Variants in GAB1 observed in about 807,000 individuals in gnomAD.
GAB1 encodes GRB2-associated-binding protein 1.
Under a neutral mutation model 66.5 loss-of-function variants are expected in GAB1, and 19 were observed. The observed-to-expected ratio is 0.29, with a 90% CI of 0.20 to 0.42. The LOEUF (loss-of-function observed/expected upper bound fraction) is 0.42. Ranked by LOEUF, GAB1 falls within the 10% of genes least tolerant of loss-of-function variation. GAB1 has a pLI of 1.00. For synonymous variants in GAB1, 294 were observed against 301.4 expected (o/e 0.98, Z 0.25); for missense variants, 732 against 858.5 (o/e 0.85, Z 1.84).
intron 1 of GAB1, among the ~76,000 whole-genome samples, chr4:143,353,832 C>T (rs1381947021): frequency 6.6e-6 from 1 of 152,176 alleles, no homozygotes; most frequent in Non-Finnish European, 1.5e-5. Flanking sequence ...TACTTTAGAA[C>T]TTTTCACCAC....
At chr4:143,439,381 A>G (rs1181031328) in intron 4 of GAB1, among the ~76,000 whole-genome samples, 1 of 152,204 alleles carries the variant, frequency 6.6e-6, no homozygotes, top group African/African-American at 2.4e-5. Context: ...ATCTGTGATT[A>G]TTACTTAAAT....
At chr4:143,431,728 C>A (rs749779692) in intron 2 of GAB1, among the ~76,000 whole-genome samples, 1 of 152,120 alleles carries the variant, frequency 6.6e-6, no homozygotes, top group Non-Finnish European at 1.5e-5. Context: ...CAAAGCATTG[C>A]CACATGGTTA....
chr4:143,379,929 A>G (rs1167768846), intron 1 of GAB1, among the ~76,000 whole-genome samples: 5 of 151,318 alleles, frequency 3.3e-5, no homozygotes, highest in Non-Finnish European at 4.4e-5. Flanking sequence ...CTTAGAGAGA[A>G]CCAGCAATAT....
chr4:143,436,177 A>G (rs1198986430), intron 3 of GAB1, among the ~76,000 whole-genome samples: 1 of 152,226 alleles, frequency 6.6e-6, no homozygotes. Context: ...AATGTGAACT[A>G]CACCTAGTTG....
In GAB1 at chr4:143,378,314, C is replaced by T. The variant is rs142182077; in HGVS notation, c.73-37163C>T. Among the ~76,000 whole-genome samples, 174 of 152,274 alleles carry T rather than the reference C, an allele frequency of 1.1e-3. 1 individual carries two copies. Among genetic ancestry groups the T allele is most frequent in the African/African-American group, 3.9e-3 (162 of 41,546 alleles). The stretch of plus-strand genomic sequence containing the variant: ...GCATCTTGGACAAGTAAATCATACT[C>T]GCAAGCCTCAGTTTCTTTTAATGTC... On this transcript the variant is annotated intron_variant, in intron 1 of 9. Transcript: ENST00000262994.
At chr4:143,348,870 G>A (rs1030810802) in intron 1 of GAB1, among the ~76,000 whole-genome samples, 4 of 151,920 alleles carry the variant, frequency 2.6e-5, no homozygotes, top group East Asian at 1.9e-4. Context: ...CTCTCTCTCC[G>A]GGCCTTTGCA....
chr4:143,369,694 T>G (rs973080794), intron 1 of GAB1, among the ~76,000 whole-genome samples: 1 of 152,214 alleles, frequency 6.6e-6, no homozygotes, highest in Non-Finnish European at 1.5e-5. Flanking sequence ...GCTTCCTGCT[T>G]CTGAAGGAAT....
intron 1 of GAB1, among the ~76,000 whole-genome samples, chr4:143,407,578 G>A (rs1379481882): frequency 6.6e-6 from 1 of 152,054 alleles, no homozygotes; most frequent in Non-Finnish European, 1.5e-5. Flanking sequence ...GTATTCTTTT[G>A]TTTATATTAC....
At chr4:143,452,945 T>C (rs958836661) in intron 6 of GAB1, among the ~76,000 whole-genome samples, 1 of 152,218 alleles carries the variant, frequency 6.6e-6, no homozygotes, top group Non-Finnish European at 1.5e-5. Context: ...TTATTATCTA[T>C]TTTCACACTT....
rs1397529 is a variant in GAB1, at chr4:143,471,009, A to T, written c.*1820A>T. On this transcript the variant is annotated 3_prime_UTR_variant, in exon 10 of 10. Coordinates refer to ENST00000262994, the MANE Select transcript of GAB1 (RefSeq NM_002039.4). ...TGTGCAAGCTGTTTTATAATGAAAC[A>T]ACAAAATGAAATCTAAAATCCTGAA... 4 of 152,022 alleles carry T rather than the reference A, an allele frequency of 2.6e-5. No individual in the cohort carries two copies. Among genetic ancestry groups the T allele is most frequent in the African/African-American group, 9.7e-5 (4 of 41,354 alleles). 9.4% of individuals were successfully genotyped at this position (152,022 alleles called of 1,614,324 possible). A position where few individuals can be genotyped will look rare whatever the true frequency, so the allele number is the denominator to read the frequency against.
chr4:143,446,211 G>A (rs1469803663), intron 6 of GAB1, among the ~76,000 whole-genome samples: 2 of 151,946 alleles, frequency 1.3e-5, no homozygotes, highest in Non-Finnish European at 2.9e-5. Flanking sequence ...CATTTAGGTT[G>A]GTTCCAAGTC....
In GAB1 at chr4:143,469,299, G is replaced by T. The variant is rs1012697190; in HGVS notation, c.*110G>T. 8 of 1,153,238 alleles carry T rather than the reference G, an allele frequency of 6.9e-6. No individual in the cohort carries two copies. In the East Asian group the frequency reaches 1.8e-4, roughly 26 times the overall value. The allele number at this position is 1,153,238 out of a possible 1,614,324, so 71.4% of individuals were successfully genotyped here. ...CTAGGTAGATCCTCAAATGAGTAGA[G>T]TTGAAGTCAAAGGACCTTTCTGACA... On this transcript the variant is annotated 3_prime_UTR_variant, in exon 10 of 10. Transcript: ENST00000262994.
chr4:143,400,910 A>G (rs1373247088), intron 1 of GAB1, among the ~76,000 whole-genome samples: 2 of 151,492 alleles, frequency 1.3e-5, no homozygotes, highest in Non-Finnish European at 2.9e-5. Context: ...CAGAGGTTGC[A>G]GTGAGCTGAG....
chr4:143,450,324 A>C (rs1280166563), intron 6 of GAB1, among the ~76,000 whole-genome samples: 1 of 152,206 alleles, frequency 6.6e-6, no homozygotes, highest in Non-Finnish European at 1.5e-5. Flanking sequence ...GGGGATGCCT[A>C]CTGGAAGTAG....
At chr4:143,418,225 C>T (rs1732801124) in intron 2 of GAB1, among the ~76,000 whole-genome samples, 1 of 152,194 alleles carries the variant, frequency 6.6e-6, no homozygotes, top group African/African-American at 2.4e-5. Flanking sequence ...GATTAAAAAC[C>T]TCAAGAAATT....
chr4:143,358,447 C>G (rs1008444883), intron 1 of GAB1, among the ~76,000 whole-genome samples: 5 of 152,108 alleles, frequency 3.3e-5, no homozygotes, highest in Admixed American at 2.6e-4. Flanking sequence ...TAGAGCTTCT[C>G]TCATGTCAAT....
chr4:143,469,006 T>A, intron 9 of GAB1, 25 bp from the exon 10 acceptor site: 2 of 1,611,982 alleles, frequency 1.2e-6, no homozygotes, highest in Non-Finnish European at 1.7e-6. Context: ...TATGTTGGAC[T>A]TTTTGTTTTT....
rs201629079 is a variant in GAB1, at chr4:143,440,138, C to T, written c.1341C>T (p.Tyr447=). 2.1e-5 allele frequency: 34 copies of T among 1,614,126 alleles called. No individual in the cohort carries two copies. The highest frequency in any genetic ancestry group is 1.2e-4 in the African/African-American group (9 of 75,044). The change falls in exon 6 of 10, where the codon TAC becomes TAT. Residue 447 remains tyrosine, a synonymous_variant. Coordinates refer to ENST00000262994, the MANE Select transcript of GAB1 (RefSeq NM_002039.4). ...CAAGTGAAGAACTGGATGAAAATTA[C>T]GTCCCAATGAATCCCAATTCACCAC... ...SVSSEELDEN[Y]VPMNPNSPPR...
intron 6 of GAB1, among the ~76,000 whole-genome samples, chr4:143,454,838 G>A (rs1222340225): frequency 1.3e-5 from 2 of 151,950 alleles, no homozygotes; most frequent in East Asian, 3.9e-4. Context: ...GTCCTTTTCA[G>A]TTTGAAAATC....
Sources: allele counts gnomAD v4.1 joint callset (sites outside exome capture counted in the v4.1 genomes callset), GRCh38; gene constraint gnomAD v4.1.1; transcripts MANE v1.5; gene names NCBI Gene and HGNC (gene_info 2026-07-23, HGNC 2026-07-21).